USP6NL: variants seen among roughly 807,000 people sequenced by gnomAD.
USP6NL encodes the protein USP6 N-terminal like.
USP6NL carries 26 observed loss-of-function variants against 61.9 expected under a neutral mutation model. The ratio of observed to expected loss-of-function variants is 0.42; its 90% confidence interval spans 0.31 to 0.58. USP6NL has a LOEUF of 0.58. Among genes scored for constraint, USP6NL ranks in the 20% least tolerant of loss-of-function variants. USP6NL has a pLI of 0.16. For synonymous variants in USP6NL, 432 were observed against 390.1 expected, an observed-to-expected ratio of 1.11 and a Z score of -1.27; for missense variants, 1,114 against 1,034.3, an observed-to-expected ratio of 1.08 and a Z score of -1.06.
rs779589207 is a variant in USP6NL, at chr10:11,463,166, T to C, written c.1762A>G (p.Lys588Glu). The C allele has an allele frequency of 4.2e-5, 68 of 1,613,778 alleles. No individual in the cohort carries two copies. The highest frequency in any genetic ancestry group is 5.8e-5 in the Non-Finnish European group (68 of 1,179,886). Residue 588 changes from lysine (K) to glutamate (E), a missense_variant, in exon 15 of 15, where the codon AAG (lysine) becomes GAG (glutamate). Coordinates refer to ENST00000609104, the MANE Select transcript of USP6NL (RefSeq NM_014688.5). This position sits in a 1 kb window ranked among gnomAD's most constrained non-coding sequence, Gnocchi z 6.3. ...RHALYPPSPR[K>E]HAEPSSSPSK... is the part of the protein sequence containing the mutation. ...GGACTAGAACTTGGCTCAGCGTGCT[T>C]TCTCGGGCTAGGAGGGTAAAGGGCA... is the stretch of plus-strand genomic sequence containing the variant.
rs372014343 is a variant in USP6NL at position 11,499,197 on chromosome 10, G to A, written c.384+1904C>T. 1.3e-5 allele frequency among the ~76,000 whole-genome samples: 2 copies of A among 152,130 alleles called. No homozygotes were observed. The highest frequency in any genetic ancestry group is 4.8e-5 in the African/African-American group (2 of 41,508). On this transcript the variant is annotated intron_variant, in intron 7 of 14. Coordinates refer to ENST00000609104, the MANE Select transcript of USP6NL (RefSeq NM_014688.5). This position sits in a 1 kb window ranked among gnomAD's most constrained non-coding sequence, Gnocchi z 4.5. ...GTGGAGAGAGAGAGAAAGAGTGGAT[G>A]AGAAAGGAAAAAAAAGTTGGCTAAA...
chr10:11,569,561 C>T (rs1350555186), intron 2 of USP6NL, among the ~76,000 whole-genome samples: 1 of 152,098 alleles, frequency 6.6e-6, no homozygotes, highest in Non-Finnish European at 1.5e-5. Flanking sequence ...GAGGGGAGAA[C>T]AAGTCAGAGA....
At chr10:11,504,330 C>T (rs1440565739) in intron 6 of USP6NL, among the ~76,000 whole-genome samples, 3 of 152,118 alleles carry the variant, frequency 2.0e-5, no homozygotes, top group Non-Finnish European at 2.9e-5. Context: ...TTTGCTTATT[C>T]CCCAGAACAG....
Position 11,555,451 on chromosome 10 carries a change from T to TATATATAGAGAG in USP6NL, c.5-27885_5-27884insCTCTCTATATAT, listed in dbSNP as rs1427219382. 3.4e-4 allele frequency among the ~76,000 whole-genome samples: 21 copies of TATATATAGAGAG among 60,986 alleles called. No homozygotes were observed. In the East Asian group the frequency reaches 3.9e-3, roughly 11 times the overall value. The allele number at this position is 60,986 out of a possible 152,430, so 40.0% of individuals were successfully genotyped here. On this transcript the variant is annotated intron_variant, in intron 2 of 14. Coordinates refer to ENST00000609104, the MANE Select transcript of USP6NL (RefSeq NM_014688.5). ...AAAAAAAAATATATATATATATATA[T>TATATATAGAGAG]AGAGAGAGAGAGAGAGAGAAAGAGA...
At chr10:11,564,997 G>A (rs1216263566) in intron 2 of USP6NL, 1 of 152,174 alleles carries the variant, frequency 6.6e-6, no homozygotes, top group African/African-American at 2.4e-5. Flanking sequence ...GCAACTCACA[G>A]TAACAAGTAG....
chr10:11,488,875 G>A (rs768016298), intron 10 of USP6NL, among the ~76,000 whole-genome samples: 1 of 152,132 alleles, frequency 6.6e-6, no homozygotes, highest in African/African-American at 2.4e-5. Flanking sequence ...ATTTTAAAGT[G>A]CCAACAATAT....
At chr10:11,557,267 T>G (rs958687400) in intron 2 of USP6NL, among the ~76,000 whole-genome samples, 1 of 152,084 alleles carries the variant, frequency 6.6e-6, no homozygotes, top group African/African-American at 2.4e-5. Context: ...ACTAGACAAC[T>G]CCTTAGTAAT....
intron 14 of USP6NL, among the ~76,000 whole-genome samples, chr10:11,479,069 A>G (rs547881807): frequency 6.6e-6 from 1 of 152,320 alleles, no homozygotes; most frequent in South Asian, 2.1e-4. Flanking sequence ...TGAGCTGAAG[A>G]TTTCATCATA....
chr10:11,547,831 G>A (rs1265857357), intron 2 of USP6NL, among the ~76,000 whole-genome samples: 3 of 152,174 alleles, frequency 2.0e-5, no homozygotes, highest in Non-Finnish European at 2.9e-5. Context: ...ATGAGCCACT[G>A]CACCCAGCCA....
In USP6NL at chr10:11,592,047, T is replaced by C. The variant is rs1838172215; in HGVS notation, c.4+5584A>G. On this transcript the variant is annotated intron_variant, in intron 2 of 14. Transcript: ENST00000609104. This position sits in a 1 kb window ranked among gnomAD's most constrained non-coding sequence, Gnocchi z 4.7. Reference sequence around the variant, plus strand: ...ACCATGCCCAGCTAATTTTTTAGTATTTTTAGTAGAGACGGGGTTTCACCA... The same window carrying C: ...ACCATGCCCAGCTAATTTTTTAGTACTTTTAGTAGAGACGGGGTTTCACCA... 6.6e-6 allele frequency among the ~76,000 whole-genome samples: 1 copy of C among 152,104 alleles called. No homozygotes were observed. Among genetic ancestry groups the C allele is most frequent in the South Asian group, 2.1e-4 (1 of 4,816 alleles).
intron 1 of USP6NL, among the ~76,000 whole-genome samples, chr10:11,606,537 TTGAA>T (rs1431819716): frequency 6.6e-6 from 1 of 151,802 alleles, no homozygotes; most frequent in African/African-American, 2.4e-5. Context: ...AGAAAGGAAA[TTGAA>T]TGTAAATGTT....
rs751815473 is a variant in USP6NL, at chr10:11,525,454, T to C, written c.87A>G (p.Ala29=). 3.8e-6 allele frequency: 6 copies of C among 1,593,218 alleles called. No homozygotes were observed. In the East Asian group the frequency reaches 1.4e-4, roughly 37 times the overall value. ...VAKYDRGREG[A]EIEPWEDADY... is the part of the protein sequence containing the mutation. ...CAGCATCTTCCCAAGGTTCAATCTC[T>C]GCACCTTCTCGTCCCTAAAATAAGG... is the stretch of plus-strand genomic sequence containing the variant. The change falls in exon 4 of 15, where the codon GCA becomes GCG. Residue 29 remains alanine (A), a synonymous_variant. Transcript: ENST00000609104. The surrounding 1 kb of genome is among the most constrained non-coding windows in gnomAD (Gnocchi z 5.0).
chr10:11,477,162 G>T (rs1405120255), intron 14 of USP6NL, among the ~76,000 whole-genome samples: 3 of 152,136 alleles, frequency 2.0e-5, no homozygotes, highest in African/African-American at 7.2e-5. Context: ...GTGAGCCACT[G>T]TACCCAGCCA....
intron 6 of USP6NL, among the ~76,000 whole-genome samples, chr10:11,504,757 G>A (rs1482987854): frequency 6.6e-6 from 1 of 152,210 alleles, no homozygotes; most frequent in Non-Finnish European, 1.5e-5. Context: ...AGAGAAATAC[G>A]TAAGCTGATA....
At position 11,518,213 on chromosome 10, in the gene USP6NL, AC is replaced by A. The variant is rs201202542; in HGVS notation, c.195+321del. Among the ~76,000 whole-genome samples, 61 of 152,298 alleles carry A rather than the reference AC, an allele frequency of 4.0e-4. No homozygotes were observed. The East Asian group carries it at 0.012, about 29-fold the overall frequency. On this transcript the variant is annotated intron_variant, in intron 5 of 14. Transcript: ENST00000609104. The surrounding 1 kb of genome is among the most constrained non-coding windows in gnomAD (Gnocchi z 5.3). The stretch of plus-strand genomic sequence containing the variant: ...CTTGTGAAGCCTTTAAAAATTACCT[AC>A]CCAGAGAGGCTGATTTCACAGACTG...
rs565920526 is a variant in USP6NL, at chr10:11,499,191, G to T, written c.384+1910C>A. 1.3e-5 allele frequency among the ~76,000 whole-genome samples: 2 copies of T among 152,134 alleles called. No homozygotes were observed. The highest frequency in any genetic ancestry group is 2.9e-5 in the Non-Finnish European group (2 of 68,014). On this transcript the variant is annotated intron_variant, in intron 7 of 14. Transcript: ENST00000609104. The surrounding 1 kb of genome is among the most constrained non-coding windows in gnomAD (Gnocchi z 4.5). Reference sequence around the variant, plus strand: ...GGATGTGTGGAGAGAGAGAGAAAGAGTGGATGAGAAAGGAAAAAAAAGTTG... The same window carrying T: ...GGATGTGTGGAGAGAGAGAGAAAGATTGGATGAGAAAGGAAAAAAAAGTTG...
In USP6NL at chr10:11,587,335, T is replaced by C. The variant is rs961407085; in HGVS notation, c.4+10296A>G. On this transcript the variant is annotated intron_variant, in intron 2 of 14. Transcript: ENST00000609104. The surrounding 1 kb of genome is among the most constrained non-coding windows in gnomAD (Gnocchi z 4.5). ...ATTTATAGTATCATGTGTCTCAAAG[T>C]TGTCTAACTTTGAATTTGAATTTCC... 3.9e-5 allele frequency among the ~76,000 whole-genome samples: 6 copies of C among 152,220 alleles called. No homozygotes were observed. The highest frequency in any genetic ancestry group is 9.6e-5 in the African/African-American group (4 of 41,456).
At chr10:11,538,942 C>T (rs1281500179) in intron 2 of USP6NL, among the ~76,000 whole-genome samples, 2 of 152,228 alleles carry the variant, frequency 1.3e-5, no homozygotes, top group East Asian at 3.8e-4. Flanking sequence ...GCTGCACAGG[C>T]TCCCTTTCGT....
chr10:11,577,597 T>C lies in USP6NL; in HGVS notation c.4+20034A>G, dbSNP rs1167109928. ...CTCACTGCAACCTCCGCCTCCCAGA[T>C]TCAAGCAATTCTCCTGCTTCAGCCT... On this transcript the variant is annotated intron_variant, in intron 2 of 14. Coordinates refer to ENST00000609104, the MANE Select transcript of USP6NL (RefSeq NM_014688.5). Among the ~76,000 whole-genome samples the C allele has an allele frequency of 2.0e-5, 3 of 152,038 alleles. No homozygotes were observed. In the East Asian group the frequency reaches 5.8e-4, roughly 30 times the overall value.
Sources: allele counts gnomAD v4.1 joint callset (sites outside exome capture counted in the v4.1 genomes callset), GRCh38; gene constraint gnomAD v4.1.1; non-coding constraint Gnocchi (gnomAD v3.1); transcripts MANE v1.5; gene names NCBI Gene and HGNC (gene_info 2026-07-23, HGNC 2026-07-21).